Variants in AKAP7 observed in about 807,000 individuals in gnomAD.
The protein encoded by AKAP7 is A-kinase anchoring protein 7, also known as A kinase (PRKA) anchor protein 7.
Under a neutral mutation model 39.5 loss-of-function variants are expected in AKAP7, and 39 were observed. The observed-to-expected ratio is 0.99, with a 90% CI of 0.76 to 1.29. AKAP7 has a LOEUF of 1.29. Ranked by LOEUF, AKAP7 falls within the 50% of genes most tolerant of loss-of-function variation. The pLI is 0.00. For synonymous variants in AKAP7, 140 were observed against 139.1 expected (o/e 1.01, Z -0.05); for missense variants, 414 against 407.7 (o/e 1.02, Z -0.13).
chr6:131,268,586 T>C (rs2128332594), intron 7 of AKAP7, among the ~76,000 whole-genome samples: 1 of 152,280 alleles, frequency 6.6e-6, no homozygotes, highest in African/African-American at 2.4e-5. Flanking sequence ...GAGTGAAGTG[T>C]ATTTGCAACT....
At chr6:131,156,561 C>T (rs902192134) in intron 2 of AKAP7, among the ~76,000 whole-genome samples, 3 of 151,894 alleles carry the variant, frequency 2.0e-5, no homozygotes, top group Non-Finnish European at 2.9e-5. Flanking sequence ...ATCATTTGAG[C>T]CCCAGGAGTT....
intron 3 of AKAP7, chr6:131,164,573 G>T: frequency 2.8e-6 from 1 of 351,992 alleles, no homozygotes; most frequent in Non-Finnish European, 5.7e-6. Flanking sequence ...TGAAATTATT[G>T]CTGTCGTAAA....
intron 7 of AKAP7, among the ~76,000 whole-genome samples, chr6:131,253,639 C>T (rs1235922871): frequency 6.6e-6 from 1 of 151,194 alleles, no homozygotes; most frequent in African/African-American, 2.4e-5. Context: ...CATCATTCCA[C>T]TCTATCTCCA....
At chr6:131,177,812 A>G (rs931152636) in intron 5 of AKAP7, among the ~76,000 whole-genome samples, 2 of 152,222 alleles carry the variant, frequency 1.3e-5, no homozygotes, top group African/African-American at 4.8e-5. Flanking sequence ...GTTACATTGT[A>G]AATTAGCAAC....
chr6:131,218,913 A>G (rs1466605014), intron 6 of AKAP7, among the ~76,000 whole-genome samples: 1 of 152,198 alleles, frequency 6.6e-6, no homozygotes, highest in East Asian at 1.9e-4. Context: ...ATAAAATGTT[A>G]AGATCCAACT....
At chr6:131,210,155 T>C (rs1157582202) in intron 6 of AKAP7, among the ~76,000 whole-genome samples, 3 of 152,232 alleles carry the variant, frequency 2.0e-5, no homozygotes, top group South Asian at 2.1e-4. Flanking sequence ...CCATAACTAG[T>C]TTATATCAGA....
chr6:131,178,916 G>A (rs945685074), intron 5 of AKAP7, among the ~76,000 whole-genome samples: 7 of 152,110 alleles, frequency 4.6e-5, no homozygotes, highest in Non-Finnish European at 7.4e-5. Flanking sequence ...CCTGCCCACT[G>A]TGCCCCACTT....
At chr6:131,207,814 C>T (rs1282222325) in intron 6 of AKAP7, among the ~76,000 whole-genome samples, 1 of 152,018 alleles carries the variant, frequency 6.6e-6, no homozygotes, top group Non-Finnish European at 1.5e-5. Flanking sequence ...TGGAGACTAC[C>T]CTGCCACTTC....
upstream of AKAP7, among the ~76,000 whole-genome samples, chr6:131,134,005 T>C (rs918187421): frequency 6.6e-6 from 1 of 152,210 alleles, no homozygotes; most frequent in African/African-American, 2.4e-5. Context: ...AGGATCTGGC[T>C]CTGTTGTCCA....
intron 7 of AKAP7, among the ~76,000 whole-genome samples, chr6:131,278,472 G>T (rs1385564352): frequency 6.6e-6 from 1 of 152,122 alleles, no homozygotes; most frequent in Non-Finnish European, 1.5e-5. Context: ...TAGGGTATTA[G>T]TCCGTTCTTG....
In AKAP7 at chr6:131,251,972, T is replaced by C. The variant is rs944510047; in HGVS notation, c.851-29558T>C. 2.0e-5 allele frequency among the ~76,000 whole-genome samples: 3 copies of C among 152,234 alleles called. No individual in the cohort carries two copies. The East Asian group carries it at 5.8e-4, about 29-fold the overall frequency. ...TTGGCATGGGCCGATGCAGGGATAG[T>C]GAATTCTTTCCCCACCCTCTTCACT... On this transcript the variant is annotated intron_variant, in intron 7 of 7. Transcript: ENST00000431975.
At chr6:131,203,210 T>C (rs1273702780) in intron 6 of AKAP7, among the ~76,000 whole-genome samples, 2 of 152,226 alleles carry the variant, frequency 1.3e-5, no homozygotes, top group Non-Finnish European at 2.9e-5. Flanking sequence ...TGGTTTGGTA[T>C]GTAGATTATT....
intron 2 of AKAP7, among the ~76,000 whole-genome samples, chr6:131,154,051 A>C (rs1480169145): frequency 6.6e-6 from 1 of 152,040 alleles, no homozygotes. Flanking sequence ...CTCTACTAAA[A>C]ATACAAAAAA....
intron 7 of AKAP7, among the ~76,000 whole-genome samples, chr6:131,226,889 T>G (rs1378864648): frequency 6.6e-6 from 1 of 152,228 alleles, no homozygotes; most frequent in Non-Finnish European, 1.5e-5. Context: ...TTAATGAATG[T>G]TACTGAACAT....
intron 7 of AKAP7, among the ~76,000 whole-genome samples, chr6:131,240,585 C>A (rs1811458171): frequency 2.0e-5 from 3 of 152,236 alleles, no homozygotes; most frequent in Admixed American, 2.0e-4. Flanking sequence ...GCTTTGTTTA[C>A]CTACTCAAGC....
intron 5 of AKAP7, chr6:131,184,566 G>C: frequency 2.8e-6 from 2 of 726,800 alleles, no homozygotes; most frequent in African/African-American, 3.4e-5. Flanking sequence ...CCATCATCAT[G>C]GGGGTGAAAT....
At chr6:131,148,998 C>A (rs775241998) in intron 2 of AKAP7, among the ~76,000 whole-genome samples, 7 of 151,990 alleles carry the variant, frequency 4.6e-5, no homozygotes, top group Non-Finnish European at 7.4e-5. Flanking sequence ...TAATAGACAC[C>A]CTGGCAGAGC....
chr6:131,215,952 A>G lies in AKAP7; in HGVS notation c.703-3709A>G, dbSNP rs3777479. ...GCTACTTATATGACAGCAATAAACT[A>G]TTGGAAAACATAGCAGAAATCAAAT... On this transcript the variant is annotated intron_variant, in intron 6 of 7. Transcript: ENST00000431975. 0.014 allele frequency among the ~76,000 whole-genome samples: 2,204 copies of G among 152,340 alleles called. 148 individuals carry two copies. The East Asian group carries it at 0.18, about 12-fold the overall frequency.
At chr6:131,221,387 C>T (rs545225229) in intron 7 of AKAP7, among the ~76,000 whole-genome samples, 2 of 152,282 alleles carry the variant, frequency 1.3e-5, no homozygotes, top group African/African-American at 4.8e-5. Flanking sequence ...GAAGCTGTCT[C>T]CATAACATAA....
Sources: allele counts gnomAD v4.1 joint callset (sites outside exome capture counted in the v4.1 genomes callset), GRCh38; gene constraint gnomAD v4.1.1; transcripts MANE v1.5; gene names NCBI Gene and HGNC (gene_info 2026-07-23, HGNC 2026-07-21).